TRPM5: variants seen among roughly 807,000 people sequenced by gnomAD.
TRPM5 encodes transient receptor potential cation channel subfamily M member 5.
TRPM5 carries 121 observed loss-of-function variants against 124.9 expected under a neutral mutation model. The observed-to-expected ratio is 0.97, with a 90% CI of 0.84 to 1.13. The LOEUF (loss-of-function observed/expected upper bound fraction) is 1.13. Among genes scored for constraint, TRPM5 ranks in the 50% most tolerant of loss-of-function variants. The pLI, the probability that TRPM5 is intolerant of heterozygous loss-of-function variation, is 0.00. For missense variants in TRPM5, 1,643 were observed against 1,589.1 expected, an observed-to-expected ratio of 1.03 and a Z score of -0.58; for synonymous variants, 781 against 700.5, an observed-to-expected ratio of 1.11 and a Z score of -1.81.
chr11:2,427,912 C>T (rs150594613), upstream of TRPM5, among the ~76,000 whole-genome samples: 1,856 of 152,250 alleles, frequency 0.012, 30 homozygotes, highest in African/African-American at 0.042. Context: ...TGTGGCCCTG[C>T]GAGGCCGTGG....
chr11:2,410,917 G>T (rs113055924), intron 18 of TRPM5, among the ~76,000 whole-genome samples: 2 of 152,170 alleles, frequency 1.3e-5, no homozygotes, highest in Admixed American at 1.3e-4. Context: ...GAGGCCAGGG[G>T]CTGTGAGGAG....
exon 17 of TRPM5, chr11:2,411,758 C>T (rs753736782): frequency 3.3e-5 from 53 of 1,612,394 alleles, no homozygotes; most frequent in Admixed American, 1.0e-4. Flanking sequence ...CAAACGCCGA[C>T]GGCAGCATCC....
At chr11:2,418,683 A>C (rs1259707820) in intron 4 of TRPM5, 92 bp from the exon 10 acceptor site, 16 of 1,309,022 alleles carry the variant, frequency 1.2e-5, no homozygotes, top group Non-Finnish European at 1.7e-5. Flanking sequence ...TTTCTGGCCA[A>C]AAGCTGGCTC....
In TRPM5 at chr11:2,420,902, G is replaced by A. The variant is rs977788528; in HGVS notation, c.465+130C>T. 28 of 1,096,280 alleles carry A rather than the reference G, an allele frequency of 2.6e-5. No individual in the cohort carries two copies. In the African/African-American group the frequency reaches 3.9e-4, roughly 15 times the overall value. The allele number at this position is 1,096,280 out of a possible 1,614,324, so 67.9% of individuals were successfully genotyped here. Reference sequence around the variant, plus strand: ...ACTGCCACCTGCCGGCCGTGTGCTGGCTCTGCCCGCTCCCTGCTCTTCCTC... The same window carrying A: ...ACTGCCACCTGCCGGCCGTGTGCTGACTCTGCCCGCTCCCTGCTCTTCCTC... On this transcript the variant is annotated intron_variant, in intron 3 of 23. Transcript: ENST00000155858.
chr11:2,415,201 A>C, exon 9 of TRPM5: 3 of 1,583,260 alleles, frequency 1.9e-6, no homozygotes, highest in Non-Finnish European at 2.6e-6. Flanking sequence ...AGTACGCGGG[A>C]GACCTCGTGC....
At position 2,422,114 on chromosome 11, in the gene TRPM5, C is replaced by A. The variant is rs761303195; in HGVS notation, c.298+27G>T. 14 of 1,557,438 alleles carry A rather than the reference C, an allele frequency of 9.0e-6. No individual in the cohort carries two copies. In the Admixed American group the frequency reaches 1.9e-4, roughly 22 times the overall value. ...GTCGGGCTGCCCTGTGGGGTGGGAG[C>A]GCTGCCTGTGCCGGGTGGGGCCTCA... On this transcript the variant is annotated intron_variant, in intron 2 of 23. Coordinates refer to ENST00000155858, the Ensembl canonical transcript of TRPM5.
exon 1 of TRPM5, chr11:2,423,002 G>T: frequency 6.2e-7 from 1 of 1,612,768 alleles, no homozygotes. Flanking sequence ...AGCATCCCCG[G>T]GGCTTCCGGG....
At chr11:2,428,332 G>A in the TRPM5 span, among the ~76,000 whole-genome samples, 1 of 152,176 alleles carries the variant, frequency 6.6e-6, no homozygotes, top group African/African-American at 2.4e-5. This position sits in a 1 kb window ranked among gnomAD's most constrained non-coding sequence, Gnocchi z 4.0. Flanking sequence ...CAGTATCTGG[G>A]ACTTGCTCTC....
chr11:2,414,220 C>A lies in TRPM5; in HGVS notation c.1745-14G>T, dbSNP rs770462033. 1.9e-6 allele frequency: 3 copies of A among 1,603,842 alleles called. No individual in the cohort carries two copies. The highest frequency in any genetic ancestry group is 2.2e-5 in the East Asian group (1 of 44,560). ...CGGAGAAGAGGTCTGCCCCCGGAGG[C>A]CCTGGCCGCTAGGACGAGACGCCGA... On this transcript the variant is annotated splice_polypyrimidine_tract_variant and intron_variant, in intron 11 of 23. Coordinates refer to ENST00000155858, the Ensembl canonical transcript of TRPM5.
upstream of TRPM5, among the ~76,000 whole-genome samples, chr11:2,427,781 A>C (rs1056779844): frequency 4.6e-5 from 7 of 152,238 alleles, no homozygotes; most frequent in South Asian, 4.1e-4. Flanking sequence ...AGGGCTCTTC[A>C]CCTCAGTTTC....
At chr11:2,420,802 G>A (rs1375106044) in intron 3 of TRPM5, among the ~76,000 whole-genome samples, 5 of 152,190 alleles carry the variant, frequency 3.3e-5, no homozygotes, top group Non-Finnish European at 7.4e-5. Context: ...GAAAGGGCTC[G>A]GGGCCTGGGC....
chr11:2,436,785 G>A, the TRPM5 span, among the ~76,000 whole-genome samples: 4 of 152,264 alleles, frequency 2.6e-5, no homozygotes, highest in Non-Finnish European at 5.9e-5. Context: ...CAGATGGGCT[G>A]GGCCCAGGTG....
intron 7 of TRPM5, among the ~76,000 whole-genome samples, chr11:2,416,718 G>C (rs542149083): frequency 6.6e-6 from 1 of 152,302 alleles, no homozygotes; most frequent in South Asian, 2.1e-4. Flanking sequence ...TCCCCTCAAG[G>C]TGTCCCCAGC....
At chr11:2,407,988 G>C in intron 18 of TRPM5, 76 bp from the exon 24 acceptor site, 1 of 1,558,794 alleles carries the variant, frequency 6.4e-7, no homozygotes, top group Non-Finnish European at 8.7e-7. Context: ...CCCCGAGATA[G>C]AGCGCTGAGT....
chr11:2,443,238 T>A, the TRPM5 span, among the ~76,000 whole-genome samples: 1 of 152,194 alleles, frequency 6.6e-6, no homozygotes, highest in Non-Finnish European at 1.5e-5. The surrounding 1 kb of genome is among the most constrained non-coding windows in gnomAD (Gnocchi z 5.0). Context: ...AAGGTATGCT[T>A]TTTCTTTCTT....
chr11:2,406,213 TCCTC>T (rs1392709215), intron 21 of TRPM5, 122 bp from the exon 27 acceptor site: 1 of 1,016,424 alleles, frequency 9.8e-7, no homozygotes, highest in Non-Finnish European at 1.5e-6. Context: ...CCCTTTCCCT[TCCTC>T]CCTCATGCCC....
chr11:2,415,325 C>T, exon 9 of TRPM5: 1 of 1,585,562 alleles, frequency 6.3e-7, no homozygotes, highest in Non-Finnish European at 8.5e-7. Flanking sequence ...AGAGCAGGCT[C>T]TTGCGTGACA....
chr11:2,440,074 A>C, the TRPM5 span, among the ~76,000 whole-genome samples: 9 of 152,314 alleles, frequency 5.9e-5, no homozygotes, highest in South Asian at 1.7e-3. The surrounding 1 kb of genome is among the most constrained non-coding windows in gnomAD (Gnocchi z 5.2). Context: ...AAATTAACTG[A>C]GGAACGGAAA....
At chr11:2,421,143 C>A in exon 3 of TRPM5, 1 of 1,542,738 alleles carries the variant, frequency 6.5e-7, no homozygotes, top group Non-Finnish European at 8.7e-7. Context: ...CGCGCACGGC[C>A]TGCCCGACAT....
Sources: gnomAD v4.1 joint callset for allele counts (sites outside exome capture counted in the v4.1 genomes callset) on GRCh38, gnomAD v4.1.1 for gene constraint, Gnocchi (gnomAD v3.1) non-coding constraint, MANE v1.5 for transcripts, NCBI Gene and HGNC (gene_info 2026-07-23, HGNC 2026-07-21) for gene names.